The following PARP6 variants were observed in gnomAD, a reference collection of about 807,000 sequenced individuals.
PARP6 encodes protein mono-ADP-ribosyltransferase PARP6.
A neutral mutation model predicts 92.0 loss-of-function variants in PARP6; 27 were observed. The observed-to-expected ratio is 0.29, with a 90% CI of 0.22 to 0.40. The LOEUF is 0.40. Among genes scored for constraint, PARP6 ranks in the 10% least tolerant of loss-of-function variants. PARP6 has a pLI of 1.00. For synonymous variants in PARP6, 272 were observed against 281.2 expected (o/e 0.97, Z 0.33); for missense variants, 501 against 784.5 (o/e 0.64, Z 4.32).
rs1278876098 is a variant in PARP6, at chr15:72,265,141, G to A, written c.268C>T (p.Arg90Trp). ...EEVSTAWKVLRTEPIVLRLRF... is the reference protein window; with the variant it reads ...EEVSTAWKVLWTEPIVLRLRF... ...AGCCTCAACACAATAGGTTCTGTCC[G>A]GAGGACCTTCCAGGCTGTAGAGACT... Residue 90 changes from arginine to tryptophan, a missense_variant, in exon 7 of 24, where the codon CGG becomes TGG. Transcript: ENST00000569795. 16 of 1,612,852 alleles carry A rather than the reference G, an allele frequency of 9.9e-6. No homozygotes were observed. The highest frequency in any genetic ancestry group is 4.0e-5 in the African/African-American group (3 of 74,896).
intron 3 of PARP6, 147 bp downstream of exon 3, chr15:72,267,328 T>C (rs1157285522): frequency 1.2e-6 from 1 of 813,974 alleles, no homozygotes; most frequent in African/African-American, 1.7e-5. Flanking sequence ...ATACTGTTTC[T>C]GTGCCCCTTC....
intron 15 of PARP6, 108 bp downstream of exon 15, chr15:72,254,347 C>T: frequency 1.3e-6 from 1 of 742,460 alleles, no homozygotes; most frequent in South Asian, 1.7e-5. Flanking sequence ...AAAAAAAATA[C>T]AGTGCGTAGC....
intron 2 of PARP6, among the ~76,000 whole-genome samples, chr15:72,269,954 A>G (rs1220874519): frequency 2.0e-5 from 3 of 151,950 alleles, no homozygotes; most frequent in African/African-American, 7.2e-5. Context: ...AATTGGACCC[A>G]GTAATCTGTG....
chr15:72,256,053 T>C lies in PARP6; in HGVS notation c.1125+412A>G, dbSNP rs183318035. Among the ~76,000 whole-genome samples the C allele has an allele frequency of 1.0e-3, 152 of 152,142 alleles. 4 individuals carry two copies. Among genetic ancestry groups the C allele is most frequent in the Admixed American group, 9.0e-3 (137 of 15,274 alleles). On this transcript the variant is annotated intron_variant, in intron 14 of 23. Coordinates refer to ENST00000569795, the MANE Select transcript of PARP6 (RefSeq NM_001323532.2). ...ACCTTGTGATCCACCTGCCTCAGCC[T>C]CCCAAAGTGCTGGGATTACAGGCGT...
Position 72,242,606 on chromosome 15 carries a change from A to C in PARP6, c.1641+14T>G, listed in dbSNP as rs760000684. Reference sequence around the variant, plus strand: ...CCAGGGAAAGGTCCTGCCTCATTAGAATAGTTCCAATACCTGGGGGATGGT... The same window carrying C: ...CCAGGGAAAGGTCCTGCCTCATTAGCATAGTTCCAATACCTGGGGGATGGT... On this transcript the variant is annotated intron_variant, in intron 21 of 23. Transcript: ENST00000569795. This position sits in a 1 kb window ranked among gnomAD's most constrained non-coding sequence, Gnocchi z 4.3. The C allele has an allele frequency of 3.8e-6, 6 of 1,560,660 alleles. No homozygotes were observed. Among genetic ancestry groups the C allele is most frequent in the Admixed American group, 3.3e-5 (2 of 59,948 alleles).
At chr15:72,258,237 G>A (rs1207410071) in intron 11 of PARP6, 105 bp from the exon 12 acceptor site, 16 of 791,824 alleles carry the variant, frequency 2.0e-5, no homozygotes, top group African/African-American at 6.8e-5. Flanking sequence ...TCCCAGCCCC[G>A]TGCCTAAGGT....
At chr15:72,258,217 C>T (rs2085381070) in intron 11 of PARP6, 85 bp from the exon 12 acceptor site, 1 of 970,228 alleles carries the variant, frequency 1.0e-6, no homozygotes, top group Non-Finnish European at 1.7e-6. Flanking sequence ...TTTCCAACTA[C>T]CCTCCATCCT....
At chr15:72,267,334 C>T (rs1383414021) in intron 3 of PARP6, 141 bp downstream of exon 3, 102 of 859,650 alleles carry the variant, frequency 1.2e-4, no homozygotes, top group Non-Finnish European at 4.2e-5. Flanking sequence ...TTTCTGTGCC[C>T]CTTCCCTTTC....
chr15:72,255,311 G>A (rs1002315337), intron 14 of PARP6, among the ~76,000 whole-genome samples: 13 of 151,994 alleles, frequency 8.6e-5, no homozygotes, highest in African/African-American at 2.7e-4. Flanking sequence ...GGAGTGCAGT[G>A]GTGCGATCCT....
chr15:72,271,848 G>C (rs2087483150), intron 1 of PARP6, among the ~76,000 whole-genome samples: 1 of 152,234 alleles, frequency 6.6e-6, no homozygotes, highest in Non-Finnish European at 1.5e-5. Context: ...CGCTTTATGA[G>C]TTTCCACGAG....
At chr15:72,253,815 A>G (rs963753971) in intron 15 of PARP6, 6 of 516,540 alleles carry the variant, frequency 1.2e-5, no homozygotes, top group African/African-American at 1.9e-5. Context: ...TCCCAAGAAG[A>G]TTAGGCTAAG....
In PARP6 at chr15:72,241,642, G is replaced by GGCCAT. The variant is rs1353307838; in HGVS notation, c.1791-90_1791-86dup. ...TCAGTGGAACTGTATTTCAAGGTATGGCCATCCCATCCCAGAAGTCAAAGC... is the reference window on the plus strand; with the variant it reads ...TCAGTGGAACTGTATTTCAAGGTATGGCCATGCCATCCCATCCCAGAAGTCAAAGC... On this transcript the variant is annotated intron_variant, in intron 23 of 23. Coordinates refer to ENST00000569795, the MANE Select transcript of PARP6 (RefSeq NM_001323532.2). The surrounding 1 kb of genome is among the most constrained non-coding windows in gnomAD (Gnocchi z 4.1). 9.4e-7 allele frequency: 1 copy of GGCCAT among 1,063,848 alleles called. No homozygotes were observed. Among genetic ancestry groups the GGCCAT allele is most frequent in the Non-Finnish European group, 1.4e-6 (1 of 691,822 alleles). 65.9% of individuals were successfully genotyped at this position (1,063,848 alleles called of 1,614,324 possible).
chr15:72,248,110 G>GC (rs1480180700), intron 20 of PARP6, among the ~76,000 whole-genome samples: 1 of 152,064 alleles, frequency 6.6e-6, no homozygotes, highest in Non-Finnish European at 1.5e-5. Flanking sequence ...TAGTTGTACT[G>GC]CTTTTTTTGG....
intron 2 of PARP6, among the ~76,000 whole-genome samples, chr15:72,269,254 G>A (rs887323301): frequency 5.3e-5 from 8 of 151,986 alleles, no homozygotes; most frequent in African/African-American, 1.7e-4. Context: ...TCTGCCTCCC[G>A]GGTTCAAGCA....
chr15:72,259,650 G>C lies in PARP6; in HGVS notation c.768C>G (p.His256Gln). The C allele has an allele frequency of 6.2e-7, 1 of 1,614,076 alleles. No individual in the cohort carries two copies. Among genetic ancestry groups the C allele is most frequent in the Non-Finnish European group, 8.5e-7 (1 of 1,179,936 alleles). Reference protein sequence around the residue: ...PARTSPLVSGHCKNIPTLEYG... With the variant: ...PARTSPLVSGQCKNIPTLEYG... ...ACTCCAGAGTGGGAATGTTCTTGCA[G>C]TGACCACTGACCTGGTGAGAGTAAA... Residue 256 changes from histidine (H) to glutamine (Q), a missense_variant, in exon 11 of 24, where the codon CAC (histidine) becomes CAG (glutamine). Around this residue, in one of 4 missense-constraint regions of PARP6, gnomAD observed 291 missense variants for 352.0 expected, o/e 0.83. Transcript: ENST00000569795.
At chr15:72,243,243 TA>T (rs1477518550) in intron 20 of PARP6, 2 of 152,456 alleles carry the variant, frequency 1.3e-5, no homozygotes, top group African/African-American at 4.8e-5. Context: ...GGTTCTAAGA[TA>T]GGGGAGCAGC....
chr15:72,266,990 G>C (rs2086689252), intron 3 of PARP6, 168 bp from the exon 4 acceptor site: 4 of 600,592 alleles, frequency 6.7e-6, no homozygotes, highest in Non-Finnish European at 1.2e-5. Flanking sequence ...GAGAGTCTCA[G>C]TCTCTTCCTG....
Position 72,253,070 on chromosome 15 carries a change from T to G in PARP6, c.1259+367A>C, listed in dbSNP as rs2084590362. On this transcript the variant is annotated intron_variant, in intron 16 of 23. Transcript: ENST00000569795. ...GGCACATGCCTGTGGTCCCAGCTACTGGGGAGGCTGAGGTGGATCACTTGA... is the reference window on the plus strand; with the variant it reads ...GGCACATGCCTGTGGTCCCAGCTACGGGGGAGGCTGAGGTGGATCACTTGA... 4.0e-5 allele frequency among the ~76,000 whole-genome samples: 6 copies of G among 150,488 alleles called. No individual in the cohort carries two copies. In the South Asian group the frequency reaches 1.0e-3, roughly 26 times the overall value.
intron 7 of PARP6, 61 bp from the exon 8 acceptor site, chr15:72,264,682 G>T: frequency 7.6e-7 from 1 of 1,322,714 alleles, no homozygotes; most frequent in Non-Finnish European, 1.1e-6. Flanking sequence ...GGAGTCCAAA[G>T]CTCAGTGGAA....
Sources: allele counts gnomAD v4.1 joint callset (sites outside exome capture counted in the v4.1 genomes callset), GRCh38; gene constraint gnomAD v4.1.1; regional missense constraint gnomAD v4.1.1; non-coding constraint Gnocchi (gnomAD v3.1); transcripts MANE v1.5; gene names NCBI Gene and HGNC (gene_info 2026-07-23, HGNC 2026-07-21).